The following DNAH6 variants were observed in gnomAD, a reference collection of about 807,000 sequenced individuals.
DNAH6 encodes the protein axonemal beta dynein heavy chain 6.
In DNAH6, 340 loss-of-function variants were observed where a neutral mutation model predicts 491.4. The ratio of observed to expected loss-of-function variants is 0.69; its 90% CI spans 0.63 to 0.76. The LOEUF is 0.76. DNAH6 is among the 30% of genes least tolerant of loss of function. DNAH6 has a pLI of 0.00. For missense variants in DNAH6, 4,443 were observed against 4,972.2 expected (o/e 0.89, Z 3.20); for synonymous variants, 1,603 against 1,686.1 (o/e 0.95, Z 1.21).
rs201365086 is a variant in DNAH6 at position 84,553,008 on chromosome 2, T to A, written c.1576T>A (p.Phe526Ile). 3 of 1,605,632 alleles carry A rather than the reference T, an allele frequency of 1.9e-6. No individual in the cohort carries two copies. The highest frequency in any genetic ancestry group is 1.7e-4 in the Middle Eastern group (1 of 6,040). The stretch of plus-strand genomic sequence containing the variant: ...AATGTTGACAGTCCAGTCACTGCTC[T>A]TTGAGCCTTCTCTGGAAGACTTTCT... ...ELMLTVQSLL[F>I]EPSLEDFLDG... The change falls in exon 10 of 77, where the codon TTT becomes ATT. Residue 526 changes from phenylalanine to isoleucine, a missense_variant. Coordinates refer to ENST00000389394, the MANE Select transcript of DNAH6 (RefSeq NM_001370.2).
At chr2:84,685,670 G>T (rs926414071) in intron 43 of DNAH6, among the ~76,000 whole-genome samples, 198 bp downstream of exon 43, 1 of 152,016 alleles carries the variant, frequency 6.6e-6, no homozygotes, top group African/African-American at 2.4e-5. Context: ...GGAAGGGTCA[G>T]TCGGGCATGG....
chr2:84,498,870 G>C, the DNAH6 span, among the ~76,000 whole-genome samples: 1 of 151,910 alleles, frequency 6.6e-6, no homozygotes, highest in Non-Finnish European at 1.5e-5. Flanking sequence ...CTTCCCAATT[G>C]TCACCAAAGA....
At chr2:84,654,547 C>T in intron 34 of DNAH6, 113 bp from the exon 35 acceptor site, 3 of 1,337,494 alleles carry the variant, frequency 2.2e-6, no homozygotes, top group Non-Finnish European at 3.0e-6. Flanking sequence ...TGAAGCCCTT[C>T]AGTGTTGTTA....
chr2:84,553,359 CTTTTCTTTTCTTT>C (rs1679613209), intron 10 of DNAH6, among the ~76,000 whole-genome samples: 2 of 36,096 alleles, frequency 5.5e-5, no homozygotes, highest in South Asian at 8.9e-4. Context: ...CTTTTCTTTT[CTTTTCTTTTCTTT>C]CTTTCTTTCT....
chr2:84,599,152 T>C (rs1464389767), intron 18 of DNAH6, among the ~76,000 whole-genome samples: 1 of 152,196 alleles, frequency 6.6e-6, no homozygotes, highest in Non-Finnish European at 1.5e-5. Flanking sequence ...GTTCAGATCT[T>C]TTGCCCATTT....
chr2:84,728,618 T>A lies in DNAH6; in HGVS notation c.10206+716T>A, dbSNP rs1041070480. ...TCCAATAAAAGTTGTAATTCACAGA[T>A]TTAGCAATAGTTTTTTTTAAAAAAC... is the stretch of plus-strand genomic sequence containing the variant. On this transcript the variant is annotated intron_variant, in intron 61 of 76. Transcript: ENST00000389394. 2.0e-5 allele frequency among the ~76,000 whole-genome samples: 3 copies of A among 152,222 alleles called. No individual in the cohort carries two copies. In the South Asian group the frequency reaches 6.2e-4, roughly 32 times the overall value.
At chr2:84,476,828 G>T in the DNAH6 span, among the ~76,000 whole-genome samples, 1 of 152,178 alleles carries the variant, frequency 6.6e-6, no homozygotes, top group Non-Finnish European at 1.5e-5. Context: ...CCCCCTCTTT[G>T]TAATAATTGC....
At chr2:84,701,998 A>G (rs1695953052) in intron 49 of DNAH6, among the ~76,000 whole-genome samples, 1 of 152,192 alleles carries the variant, frequency 6.6e-6, no homozygotes, top group Admixed American at 6.5e-5. Flanking sequence ...TCCTTGACTC[A>G]GTAGAATGAT....
the DNAH6 span, among the ~76,000 whole-genome samples, chr2:84,460,488 G>A: frequency 6.6e-5 from 10 of 152,294 alleles, no homozygotes; most frequent in South Asian, 2.1e-3. Context: ...TAAGTTATAT[G>A]TTTAGTTTCA....
Position 84,552,957 on chromosome 2 carries a change from C to T in DNAH6, c.1525C>T (p.Leu509Phe). The T allele has an allele frequency of 3.7e-6, 6 of 1,612,178 alleles. No homozygotes were observed. Among genetic ancestry groups the T allele is most frequent in the Non-Finnish European group, 5.1e-6 (6 of 1,179,144 alleles). Residue 509 changes from leucine (L) to phenylalanine (F), a missense_variant, in exon 10 of 77, where the codon CTC (leucine) becomes TTC (phenylalanine). Leu to Phe is a conservative substitution (Grantham distance 22). Transcript: ENST00000389394. ...GGAAAAGCAAGAAGAAGATGAATCTCTCATCCCCATGTTTCTCACAGAACT... is the reference window on the plus strand; with the variant it reads ...GGAAAAGCAAGAAGAAGATGAATCTTTCATCCCCATGTTTCTCACAGAACT... ...MVEKQEEDES[L>F]IPMFLTELML...
Position 84,704,334 on chromosome 2 carries a change from T to C in DNAH6, c.8465+32T>C, listed in dbSNP as rs59779155. The stretch of plus-strand genomic sequence containing the variant: ...AATTCAGAGTCATGTATTGCCATGA[T>C]ACCTGGTAAGAGTTCTTTACTGTTT... On this transcript the variant is annotated intron_variant, in intron 51 of 76. Transcript: ENST00000389394. 1,894 of 1,458,252 alleles carry C rather than the reference T, an allele frequency of 1.3e-3. 22 individuals are homozygous for C. The African/African-American group carries it at 0.024, about 19-fold the overall frequency. 90.3% of individuals were successfully genotyped at this position (1,458,252 alleles called of 1,614,324 possible). A position where few individuals can be genotyped will look rare whatever the true frequency, so the allele number is the denominator to read the frequency against.
chr2:84,759,056 A>G (rs991700500), intron 63 of DNAH6, among the ~76,000 whole-genome samples: 4 of 152,214 alleles, frequency 2.6e-5, no homozygotes, highest in African/African-American at 9.7e-5. Context: ...ATAAAATTTA[A>G]AACTTCACCA....
chr2:84,740,546 C>T (rs1192319), intron 62 of DNAH6, among the ~76,000 whole-genome samples: 149,891 of 152,220 alleles, frequency 0.98, 73,816 homozygotes, highest in East Asian at 1. Flanking sequence ...GGCACTGCAC[C>T]CATGTTTTCT....
chr2:84,569,473 G>A (rs892928630), intron 11 of DNAH6, among the ~76,000 whole-genome samples: 7 of 152,034 alleles, frequency 4.6e-5, no homozygotes, highest in African/African-American at 1.7e-4. Flanking sequence ...TTTTAATATA[G>A]TTCTTAAAAA....
At chr2:84,474,276 A>G in the DNAH6 span, among the ~76,000 whole-genome samples, 3 of 152,196 alleles carry the variant, frequency 2.0e-5, no homozygotes, top group African/African-American at 7.2e-5. Context: ...GGAGAATTCC[A>G]AGGGGAGCAA....
intron 56 of DNAH6, among the ~76,000 whole-genome samples, chr2:84,712,199 A>G (rs1249715606): frequency 2.0e-5 from 3 of 152,246 alleles, no homozygotes; most frequent in South Asian, 2.1e-4. Context: ...GACCATCTCA[A>G]TCAACATTTT....
rs373097900 is a variant in DNAH6 at position 84,518,005 on chromosome 2, A to G, written c.179A>G (p.Gln60Arg). 2.6e-5 allele frequency: 41 copies of G among 1,550,830 alleles called. No homozygotes were observed. Among genetic ancestry groups the G allele is most frequent in the Non-Finnish European group, 3.6e-5 (41 of 1,146,596 alleles). The change falls in exon 2 of 77, where the codon CAG becomes CGG. Residue 60 changes from glutamine to arginine, a missense_variant. Physicochemically the swap from Gln to Arg is conservative, Grantham distance 43. Transcript: ENST00000389394. ...ACGTTTAGGCACATTACAAAAGCTC[A>G]GGAGAAGACAAGAAAACGACAGCAG... ...ILTFRHITKAQEKTRKRQQPI... is the reference protein window; with the variant it reads ...ILTFRHITKAREKTRKRQQPI...
intron 11 of DNAH6, 150 bp from the exon 12 acceptor site, chr2:84,573,317 T>G (rs536296662): frequency 5.3e-6 from 3 of 567,410 alleles, no homozygotes; most frequent in Non-Finnish European, 8.9e-6. Context: ...ACATCAAGAA[T>G]ATATCTTTCT....
Position 84,607,017 on chromosome 2 carries a change from C to G in DNAH6, c.3216C>G (p.Ala1072=), listed in dbSNP as rs1398817416. ...DDSTINVATL[A]SSRYLGPLKT... ...GCACCATCAATGTTGCAACTCTTGC[C>G]TCATCACGTTACCTTGGTCCACTGA... The change falls in exon 21 of 77, where the codon GCC becomes GCG. Residue 1072 remains alanine, a synonymous_variant. Coordinates refer to ENST00000389394, the MANE Select transcript of DNAH6 (RefSeq NM_001370.2). 1.7e-5 allele frequency: 27 copies of G among 1,551,228 alleles called. No individual in the cohort carries two copies. Among genetic ancestry groups the G allele is most frequent in the Non-Finnish European group, 2.4e-5 (27 of 1,146,788 alleles).
Sources: allele counts gnomAD v4.1 joint callset (sites outside exome capture counted in the v4.1 genomes callset), GRCh38; gene constraint gnomAD v4.1.1; transcripts MANE v1.5; gene names NCBI Gene and HGNC (gene_info 2026-07-23, HGNC 2026-07-21).